The following UBN2 variants were observed in gnomAD, a reference collection of about 807,000 sequenced individuals.
The protein encoded by UBN2 is ubinuclein-2.
A neutral mutation model predicts 120.2 loss-of-function variants in UBN2; 35 were observed. The observed-to-expected ratio is 0.29, with a 90% CI of 0.22 to 0.39. The LOEUF (loss-of-function observed/expected upper bound fraction) is 0.39. Among genes scored for constraint, UBN2 ranks in the 10% least tolerant of loss-of-function variants. UBN2 has a pLI of 1.00. For synonymous variants in UBN2, 661 were observed against 648.7 expected (o/e 1.02, Z -0.29); for missense variants, 1,693 against 1,663.2 (o/e 1.02, Z -0.31).
intron 1 of UBN2, among the ~76,000 whole-genome samples, chr7:139,235,319 T>G (rs1796135264): frequency 1.3e-5 from 2 of 152,346 alleles, no homozygotes; most frequent in Non-Finnish European, 2.9e-5. Flanking sequence ...CTAGGATTCC[T>G]TATTAGTTTA....
intron 4 of UBN2, among the ~76,000 whole-genome samples, chr7:139,258,864 C>A (rs993583960): frequency 6.6e-6 from 1 of 151,960 alleles, no homozygotes; most frequent in African/African-American, 2.4e-5. Context: ...TAATAATTTA[C>A]TGTTTCTGGG....
At position 139,306,339 on chromosome 7, in the gene UBN2, T is replaced by G. The variant is rs1007788226; in HGVS notation, c.*8503T>G. ...GTTTGTAGGGTTAGTGTGCCCTCTG[T>G]CAGAAAATTGGGTTTTCTTTACTAT... On this transcript the variant is annotated 3_prime_UTR_variant, in exon 18 of 18. Coordinates refer to ENST00000473989, the MANE Select transcript of UBN2 (RefSeq NM_173569.4). 1 of 152,214 alleles carries G rather than the reference T, an allele frequency of 6.6e-6. No individual in the cohort carries two copies. The highest frequency in any genetic ancestry group is 6.5e-5 in the Admixed American group (1 of 15,286). 9.4% of individuals were successfully genotyped at this position (152,214 alleles called of 1,614,324 possible).
intron 3 of UBN2, among the ~76,000 whole-genome samples, chr7:139,255,573 A>C (rs1356193823): frequency 6.6e-6 from 1 of 152,186 alleles, no homozygotes; most frequent in Non-Finnish European, 1.5e-5. Flanking sequence ...TTGAACTGAA[A>C]TGCAGGTTGC....
At chr7:139,273,184 C>T (rs1797339697) in intron 9 of UBN2, 113 bp from the exon 10 acceptor site, 1 of 587,964 alleles carries the variant, frequency 1.7e-6, no homozygotes, top group Admixed American at 3.4e-5. Context: ...TAGATTCCGT[C>T]TTTACCCTCT....
chr7:139,295,090 T>G (rs1003586004), intron 17 of UBN2, among the ~76,000 whole-genome samples: 3 of 146,910 alleles, frequency 2.0e-5, no homozygotes, highest in Non-Finnish European at 4.5e-5. Flanking sequence ...AGGCCTCACT[T>G]TTTTTTTTTT....
chr7:139,259,651 C>G (rs1427538766), intron 5 of UBN2, among the ~76,000 whole-genome samples: 1 of 152,154 alleles, frequency 6.6e-6, no homozygotes, highest in African/African-American at 2.4e-5. Context: ...AAAAACTGTT[C>G]TAATCTTTTG....
intron 15 of UBN2, among the ~76,000 whole-genome samples, chr7:139,287,744 T>G: frequency 6.6e-6 from 1 of 150,924 alleles, no homozygotes; most frequent in East Asian, 1.9e-4. Flanking sequence ...ATTTCTACCC[T>G]TTGGCGAAAG....
intron 15 of UBN2, among the ~76,000 whole-genome samples, chr7:139,289,000 CAAAAAAAAA>C (rs200360523): frequency 4.5e-5 from 3 of 66,702 alleles, no homozygotes; most frequent in Non-Finnish European, 1.1e-4. Context: ...GACGCCATCT[CAAAAAAAAA>C]AAAAAAAAAA....
intron 9 of UBN2, among the ~76,000 whole-genome samples, chr7:139,272,736 A>C (rs1797321210): frequency 6.6e-6 from 1 of 152,118 alleles, no homozygotes; most frequent in African/African-American, 2.4e-5. Flanking sequence ...CATGTTGACC[A>C]GGCTGGTCTC....
chr7:139,257,095 A>G (rs1326818253), intron 3 of UBN2, among the ~76,000 whole-genome samples: 1 of 152,214 alleles, frequency 6.6e-6, no homozygotes, highest in Non-Finnish European at 1.5e-5. Flanking sequence ...CAGGTAACAG[A>G]TATCTTTCTA....
In UBN2 at chr7:139,266,742, G is replaced by T. The variant is rs554962846; in HGVS notation, c.1466+339G>T. ...GTTAGAGCGTTTATATACAGATTTG[G>T]CATGATTTTCCATCTACTTTTATTA... On this transcript the variant is annotated intron_variant, in intron 7 of 17. Transcript: ENST00000473989. Among the ~76,000 whole-genome samples the T allele has an allele frequency of 8.5e-5, 13 of 152,232 alleles. No individual in the cohort carries two copies. In the South Asian group the frequency reaches 2.7e-3, roughly 32 times the overall value.
intron 6 of UBN2, 107 bp from the exon 7 acceptor site, chr7:139,266,226 C>CAAAAAAA (rs377760158): frequency 5.8e-6 from 2 of 345,522 alleles, no homozygotes; most frequent in Admixed American, 6.5e-5. Context: ...GGCCCTATCT[C>CAAAAAAA]AAAAAAAAAA....
In UBN2 at chr7:139,261,236, A is replaced by G; in HGVS notation, c.906-16A>G. ...AAAATCACACATAGCCTAACTGATC[A>G]TTTTTGTCTTCACAGAGTTGTGGCT... On this transcript the variant is annotated splice_polypyrimidine_tract_variant and intron_variant, in intron 5 of 17. Transcript: ENST00000473989. 6.3e-7 allele frequency: 1 copy of G among 1,582,444 alleles called. No homozygotes were observed. Among genetic ancestry groups the G allele is most frequent in the East Asian group, 2.2e-5 (1 of 44,746 alleles).
downstream of UBN2, among the ~76,000 whole-genome samples, chr7:139,309,472 G>A (rs1798418950): frequency 6.6e-6 from 1 of 152,140 alleles, no homozygotes; most frequent in Non-Finnish European, 1.5e-5. Flanking sequence ...AAACCCTGTG[G>A]TTATGTAATT....
At chr7:139,308,975 C>T (rs1798409836), downstream of UBN2, among the ~76,000 whole-genome samples, 1 of 152,158 alleles carries the variant, frequency 6.6e-6, no homozygotes, top group African/African-American at 2.4e-5. Context: ...GAAGCTGAGA[C>T]AGGAGAATCG....
At chr7:139,273,465 A>G in intron 10 of UBN2, 55 bp downstream of exon 10, 1 of 1,202,478 alleles carries the variant, frequency 8.3e-7, no homozygotes, top group East Asian at 2.5e-5. Flanking sequence ...AAGATTCCTC[A>G]TTAAAAAAAA....
chr7:139,284,063 C>T lies in UBN2; in HGVS notation c.3158C>T (p.Pro1053Leu), dbSNP rs1031201577. Reference protein sequence around the residue: ...PKPATSPKPLPSPKPSASPKP... With the variant: ...PKPATSPKPLLSPKPSASPKP... ...CCTGCCACATCTCCTAAACCCCTGC[C>T]CTCGCCTAAGCCTTCTGCCTCACCC... Residue 1053 changes from proline (P) to leucine (L), a missense_variant, in exon 15 of 18, where the codon CCC (proline) becomes CTC (leucine). Physicochemically the swap from Pro to Leu is moderately conservative, Grantham distance 98 (BLOSUM62 -3). Around this residue, in one of 5 missense-constraint regions of UBN2, gnomAD observed 837 missense variants for 817.6 expected, o/e 1.02. Coordinates refer to ENST00000473989, the MANE Select transcript of UBN2 (RefSeq NM_173569.4). 6.2e-7 allele frequency: 1 copy of T among 1,613,970 alleles called. No individual in the cohort carries two copies. Among genetic ancestry groups the T allele is most frequent in the Non-Finnish European group, 8.5e-7 (1 of 1,180,008 alleles).
chr7:139,309,486 C>A (rs1798419188), downstream of UBN2, among the ~76,000 whole-genome samples: 1 of 152,184 alleles, frequency 6.6e-6, no homozygotes, highest in Non-Finnish European at 1.5e-5. Flanking sequence ...TGTAATTTAA[C>A]TATACTTAAC....
At chr7:139,235,523 C>T (rs1403740351) in intron 1 of UBN2, among the ~76,000 whole-genome samples, 1 of 152,208 alleles carries the variant, frequency 6.6e-6, no homozygotes, top group East Asian at 1.9e-4. Flanking sequence ...TCTCCTGTCT[C>T]AGCCTCCCGA....
Sources: gnomAD v4.1 joint callset for allele counts (sites outside exome capture counted in the v4.1 genomes callset) on GRCh38, gnomAD v4.1.1 for gene constraint, gnomAD v4.1.1 regional missense constraint, MANE v1.5 for transcripts, NCBI Gene and HGNC (gene_info 2026-07-23, HGNC 2026-07-21) for gene names.